Variants in ZFP37 observed in about 807,000 individuals in gnomAD.
ZFP37 encodes the protein zinc finger protein 37 homolog.
ZFP37 carries 38 observed loss-of-function variants against 52.1 expected under a neutral mutation model. The ratio of observed to expected loss-of-function variants is 0.73; its 90% confidence interval spans 0.56 to 0.96. The LOEUF (loss-of-function observed/expected upper bound fraction) is 0.96. Ranked by LOEUF, ZFP37 falls within the 40% of genes least tolerant of loss-of-function variation. ZFP37 has a pLI of 0.00. For synonymous variants in ZFP37, 253 were observed against 259.5 expected, an observed-to-expected ratio of 0.98 and a Z score of 0.24; for missense variants, 695 against 741.4, an observed-to-expected ratio of 0.94 and a Z score of 0.73.
chr9:113,053,238 C>A (rs1271360508), intron 1 of ZFP37, among the ~76,000 whole-genome samples: 1 of 152,210 alleles, frequency 6.6e-6, no homozygotes, highest in Non-Finnish European at 1.5e-5. Context: ...CTGATCCTAA[C>A]CACTTTTTCA....
In ZFP37 at chr9:113,039,048, C is replaced by T. The variant is rs1042616169; in HGVS notation, c.*3677G>A. 2.0e-5 allele frequency: 3 copies of T among 152,054 alleles called. No individual in the cohort carries two copies. The highest frequency in any genetic ancestry group is 7.2e-5 in the African/African-American group (3 of 41,388). The allele number at this position is 152,054 out of a possible 1,614,324, so 9.4% of individuals were successfully genotyped here. ...AGTTTGAAATTGTGGTTTTTAATGTCATATTACTCAATTTTTGAAGGAATC... is the reference window on the plus strand; with the variant it reads ...AGTTTGAAATTGTGGTTTTTAATGTTATATTACTCAATTTTTGAAGGAATC... On this transcript the variant is annotated 3_prime_UTR_variant, in exon 4 of 4. Coordinates refer to ENST00000374227, the MANE Select transcript of ZFP37 (RefSeq NM_003408.3).
rs1202271705 is a variant in ZFP37, at chr9:113,042,545, G to A, written c.*180C>T. The A allele has an allele frequency of 2.2e-6, 1 of 464,148 alleles. No homozygotes were observed. The highest frequency in any genetic ancestry group is 3.7e-6 in the Non-Finnish European group (1 of 268,882). The allele number at this position is 464,148 out of a possible 1,614,324, so 28.8% of individuals were successfully genotyped here. A position where few individuals can be genotyped will look rare whatever the true frequency, so the allele number is the denominator to read the frequency against. On this transcript the variant is annotated 3_prime_UTR_variant, in exon 4 of 4. Transcript: ENST00000374227. ...AACAATATTTTTTATAAAAGGTTTT[G>A]TATCAAGTTTAAACCCTTGTTTCCA...
intron 3 of ZFP37, among the ~76,000 whole-genome samples, chr9:113,047,107 TAAAAAA>T (rs376369021): frequency 1.7e-5 from 2 of 118,590 alleles, no homozygotes; most frequent in African/African-American, 6.4e-5. Flanking sequence ...AGACTCCGTC[TAAAAAA>T]AAAAAAAAAA....
Position 113,040,464 on chromosome 9 carries a change from ATATATTCATG to A in ZFP37, c.*2251_*2260del. 6.6e-6 allele frequency: 1 copy of A among 152,340 alleles called. No individual in the cohort carries two copies. Among genetic ancestry groups the A allele is most frequent in the East Asian group, 1.9e-4 (1 of 5,188 alleles). The allele number at this position is 152,340 out of a possible 1,614,324, so 9.4% of individuals were successfully genotyped here. ...AAATAAGTTACTTGGAAATGAGGGGATATATTCATGAGTTGAGCTTTCAACCCGTGCATGT... is the reference window on the plus strand; with the variant it reads ...AAATAAGTTACTTGGAAATGAGGGGAAGTTGAGCTTTCAACCCGTGCATGT... On this transcript the variant is annotated 3_prime_UTR_variant, in exon 4 of 4. Transcript: ENST00000374227.
intron 1 of ZFP37, among the ~76,000 whole-genome samples, chr9:113,053,561 C>T (rs1376044872): frequency 6.6e-6 from 1 of 152,192 alleles, no homozygotes; most frequent in African/African-American, 2.4e-5. Flanking sequence ...ATACACCTTT[C>T]CTTTTTCCTA....
rs754439686 is a variant in ZFP37 at position 113,044,247 on chromosome 9, T to C, written c.371A>G (p.Gln124Arg). 5 of 1,569,138 alleles carry C rather than the reference T, an allele frequency of 3.2e-6. No homozygotes were observed. The South Asian group carries it at 6.0e-5, about 19-fold the overall frequency. Residue 124 changes from glutamine to arginine, a missense_variant, in exon 4 of 4, where the codon CAG becomes CGG. By Grantham distance (43) the Gln-to-Arg change is conservative. Around this residue, in one of 2 missense-constraint regions of ZFP37, gnomAD observed 369 missense variants for 340.9 expected, o/e 1.08. Transcript: ENST00000374227. ...TTGAGATTTCTGGATATTTTCAAGC[T>C]GGTCATCATCTTTCTGGACTTCTAA... ...TDGKVQKDDD[Q>R]LENIQKSQNK...
intron 3 of ZFP37, 119 bp from the exon 4 acceptor site, chr9:113,044,387 A>G: frequency 2.3e-6 from 2 of 862,338 alleles, no homozygotes; most frequent in Non-Finnish European, 3.4e-6. Flanking sequence ...TGGTATACCA[A>G]TGTGAATGAA....
At position 113,052,777 on chromosome 9, in the gene ZFP37, T is replaced by C. The variant is rs977563318; in HGVS notation, c.133-2905A>G. On this transcript the variant is annotated intron_variant, in intron 1 of 3. Coordinates refer to ENST00000374227, the MANE Select transcript of ZFP37 (RefSeq NM_003408.3). The surrounding 1 kb of genome is among the most constrained non-coding windows in gnomAD (Gnocchi z 4.1). ...AGCATAAACCACACTGTGTATTCTT[T>C]AAGCACTCGGAACTACTCTTAATCA... 6.6e-6 allele frequency among the ~76,000 whole-genome samples: 1 copy of C among 152,194 alleles called. No homozygotes were observed. The highest frequency in any genetic ancestry group is 6.5e-5 in the Admixed American group (1 of 15,288).
At chr9:113,053,257 C>T (rs1369767484) in intron 1 of ZFP37, among the ~76,000 whole-genome samples, 1 of 152,176 alleles carries the variant, frequency 6.6e-6, no homozygotes, top group Non-Finnish European at 1.5e-5. Context: ...CACAATCTTC[C>T]ACCTTTACCT....
At chr9:113,049,676 C>A in intron 2 of ZFP37, 115 bp downstream of exon 2, 1 of 1,468,416 alleles carries the variant, frequency 6.8e-7, no homozygotes, top group Non-Finnish European at 9.1e-7. Flanking sequence ...CTGCCTAGTA[C>A]CCAAAAAAGA....
intron 1 of ZFP37, among the ~76,000 whole-genome samples, chr9:113,055,716 T>A (rs1049533691): frequency 6.6e-6 from 1 of 152,062 alleles, no homozygotes; most frequent in Non-Finnish European, 1.5e-5. Flanking sequence ...GAACAATCAT[T>A]AACCTCCACA....
chr9:113,051,996 T>G (rs1237793488), intron 1 of ZFP37, among the ~76,000 whole-genome samples: 1 of 152,134 alleles, frequency 6.6e-6, no homozygotes, highest in African/African-American at 2.4e-5. Context: ...CAATCACATA[T>G]TCTCACAGGT....
chr9:113,053,826 C>T (rs1394119457), intron 1 of ZFP37, among the ~76,000 whole-genome samples: 2 of 152,188 alleles, frequency 1.3e-5, no homozygotes, highest in Non-Finnish European at 2.9e-5. Context: ...GCTCTCAATC[C>T]CATCCCCAAC....
At position 113,040,092 on chromosome 9, in the gene ZFP37, G is replaced by A. The variant is rs1490827561; in HGVS notation, c.*2633C>T. ...GATTCAGACTTACCACTGTGTGTCT[G>A]TTTTCCTATACTAACCTCCAATTGT... On this transcript the variant is annotated 3_prime_UTR_variant, in exon 4 of 4. Transcript: ENST00000374227. 1 of 152,204 alleles carries A rather than the reference G, an allele frequency of 6.6e-6. No individual in the cohort carries two copies. Among genetic ancestry groups the A allele is most frequent in the Admixed American group, 6.5e-5 (1 of 15,276 alleles). 9.4% of individuals were successfully genotyped at this position (152,204 alleles called of 1,614,324 possible).
rs1829081611 is a variant in ZFP37 at position 113,052,915 on chromosome 9, C to G, written c.133-3043G>C. Reference sequence around the variant, plus strand: ...GCAGTTTTTCACTTCTATGTTAACTCTGTTCTGCAGTCATCCCACCCAATT... The same window carrying G: ...GCAGTTTTTCACTTCTATGTTAACTGTGTTCTGCAGTCATCCCACCCAATT... On this transcript the variant is annotated intron_variant, in intron 1 of 3. Transcript: ENST00000374227. The surrounding 1 kb of genome is among the most constrained non-coding windows in gnomAD (Gnocchi z 4.1). Among the ~76,000 whole-genome samples the G allele has an allele frequency of 6.6e-6, 1 of 152,186 alleles. No homozygotes were observed. The highest frequency in any genetic ancestry group is 2.4e-5 in the African/African-American group (1 of 41,444).
At chr9:113,044,610 A>G (rs1292728937) in intron 3 of ZFP37, among the ~76,000 whole-genome samples, 1 of 152,114 alleles carries the variant, frequency 6.6e-6, no homozygotes, top group African/African-American at 2.4e-5. Flanking sequence ...GGTTTCTTAT[A>G]AGCCCAAGCT....
At position 113,042,711 on chromosome 9, in the gene ZFP37, T is replaced by A. The variant is rs376217434; in HGVS notation, c.*14A>T. ...AAAACCTTAAATTTAGTTAACAAAT[T>A]TCCCACATTAACTTCACTCATGAGA... is the stretch of plus-strand genomic sequence containing the variant. On this transcript the variant is annotated 3_prime_UTR_variant, in exon 4 of 4. Transcript: ENST00000374227. 178 of 1,529,636 alleles carry A rather than the reference T, an allele frequency of 1.2e-4. 1 individual carries two copies. The African/African-American group carries it at 2.4e-3, about 21-fold the overall frequency. 94.8% of individuals were successfully genotyped at this position (1,529,636 alleles called of 1,614,324 possible). A position where few individuals can be genotyped will look rare whatever the true frequency, so the allele number is the denominator to read the frequency against.
In ZFP37 at chr9:113,043,944, T is replaced by C. The variant is rs1828905472; in HGVS notation, c.674A>G (p.Gln225Arg). ...TAATTTCTCATGTTTCTTTCCAGTT[T>C]GCTTTTTGCCTTTCCTTGTATCAGA... is the stretch of plus-strand genomic sequence containing the variant. ...SLSDTRKGKK[Q>R]TGKKHEKLSS... is the part of the protein sequence containing the mutation. The change falls in exon 4 of 4, where the codon CAA becomes CGA. Residue 225 changes from glutamine (Q) to arginine (R), a missense_variant. Gln to Arg is a conservative substitution (Grantham distance 43, BLOSUM62 1). Around this residue, in one of 2 missense-constraint regions of ZFP37, gnomAD observed 369 missense variants for 340.9 expected, o/e 1.08. Transcript: ENST00000374227. 3.7e-6 allele frequency: 6 copies of C among 1,614,104 alleles called. No individual in the cohort carries two copies. Among genetic ancestry groups the C allele is most frequent in the Non-Finnish European group, 5.1e-6 (6 of 1,179,952 alleles).
chr9:113,050,332 G>A (rs1303045001), intron 1 of ZFP37, among the ~76,000 whole-genome samples: 1 of 152,208 alleles, frequency 6.6e-6, no homozygotes, highest in Non-Finnish European at 1.5e-5. Context: ...GCTACAGGGA[G>A]CTGAGATCAC....
Sources: allele counts gnomAD v4.1 joint callset (sites outside exome capture counted in the v4.1 genomes callset), GRCh38; gene constraint gnomAD v4.1.1; regional missense constraint gnomAD v4.1.1; non-coding constraint Gnocchi (gnomAD v3.1); transcripts MANE v1.5; gene names NCBI Gene and HGNC (gene_info 2026-07-23, HGNC 2026-07-21).